Variants in BET1L observed in about 807,000 individuals in gnomAD.
BET1L encodes Bet1 golgi vesicular membrane trafficking protein like.
Under a neutral mutation model 12.6 loss-of-function variants are expected in BET1L, and 13 were observed. That is an observed-to-expected ratio of 1.03 (90% CI 0.67 to 1.64). The LOEUF (loss-of-function observed/expected upper bound fraction) is 1.64, where lower values mean the gene tolerates loss of function less well. Ranked by LOEUF, BET1L falls within the 40% of genes most tolerant of loss-of-function variation. BET1L has a pLI of 0.00. For synonymous variants in BET1L, 60 were observed against 56.9 expected (o/e 1.05, Z -0.25); for missense variants, 154 against 150.7 (o/e 1.02, Z -0.11).
At chr11:206,681 G>A (rs781388863) in intron 1 of BET1L, among the ~76,000 whole-genome samples, 1 of 152,214 alleles carries the variant, frequency 6.6e-6, no homozygotes, top group South Asian at 2.1e-4. Context: ...AGTGCTCGCA[G>A]AGGCCTGGCC....
rs1303480379 is a variant in BET1L at position 207,373 on chromosome 11, T to C, written c.-52A>G. 1.3e-6 allele frequency: 2 copies of C among 1,522,428 alleles called. No homozygotes were observed. The highest frequency in any genetic ancestry group is 1.8e-6 in the Non-Finnish European group (2 of 1,142,084). The allele number at this position is 1,522,428 out of a possible 1,614,324, so 94.3% of individuals were successfully genotyped here. ...GGACACCGACGCGGCCACAGCCGCC[T>C]CAGACGTGGCGCAGTCGCGGGGAAA... On this transcript the variant is annotated 5_prime_UTR_variant, in exon 1 of 4. Coordinates refer to ENST00000382762, the MANE Select transcript of BET1L (RefSeq NM_001098787.2).
chr11:205,129 G>T lies in BET1L; in HGVS notation c.*173C>A. 1 of 854,346 alleles carries T rather than the reference G, an allele frequency of 1.2e-6. No homozygotes were observed. Among genetic ancestry groups the T allele is most frequent in the Non-Finnish European group, 1.7e-6 (1 of 572,246 alleles). 52.9% of individuals were successfully genotyped at this position (854,346 alleles called of 1,614,324 possible). A position where few individuals can be genotyped will look rare whatever the true frequency, so the allele number is the denominator to read the frequency against. ...TTTCACACATGGGACCAGCCAACAT[G>T]AGCTCATCAGGTCACAGGCAGCCGC... On this transcript the variant is annotated 3_prime_UTR_variant, in exon 4 of 4. Transcript: ENST00000382762.
chr11:206,040 T>C lies in BET1L; in HGVS notation c.23A>G (p.Gln8Arg). Reference sequence around the variant, plus strand: ...AATCTCTTCCACAGCGCCCGGGCTCTGAGCTGAGAAAAGAGAGGGGCTGAA... The same window carrying C: ...AATCTCTTCCACAGCGCCCGGGCTCCGAGCTGAGAAAAGAGAGGGGCTGAA... MADWARA[Q>R]SPGAVEEILD... Residue 8 changes from glutamine (Q) to arginine (R), a missense_variant, in exon 2 of 4, where the codon CAG becomes CGG. Gln to Arg is a conservative substitution (Grantham distance 43). Coordinates refer to ENST00000382762, the MANE Select transcript of BET1L (RefSeq NM_001098787.2). 6.2e-7 allele frequency: 1 copy of C among 1,613,680 alleles called. No individual in the cohort carries two copies. Among genetic ancestry groups the C allele is most frequent in the Non-Finnish European group, 8.5e-7 (1 of 1,179,980 alleles).
chr11:207,119 C>T, intron 1 of BET1L, 184 bp downstream of exon 1: 3 of 773,486 alleles, frequency 3.9e-6, no homozygotes, highest in Non-Finnish European at 5.7e-6. Flanking sequence ...TCGGTCCTAA[C>T]GGCAGTGCCG....
intron 1 of BET1L, 52 bp downstream of exon 1, chr11:207,250 GC>G (rs1297973643): frequency 2.0e-6 from 3 of 1,508,114 alleles, no homozygotes; most frequent in Non-Finnish European, 2.6e-6. Flanking sequence ...ACAGGCAGCG[GC>G]GTCGGTTTCG....
At chr11:206,109 C>G (rs1159363043) in intron 1 of BET1L, 66 bp from the exon 2 acceptor site, 1 of 1,407,762 alleles carries the variant, frequency 7.1e-7, no homozygotes, top group Admixed American at 1.7e-5. Context: ...CCCTCTCACT[C>G]CAACCACATC....
chr11:206,725 T>C (rs1855170685), intron 1 of BET1L, among the ~76,000 whole-genome samples: 1 of 152,186 alleles, frequency 6.6e-6, no homozygotes, highest in Non-Finnish European at 1.5e-5. Context: ...AAGGAAGTTC[T>C]GTCACATCAG....
chr11:206,977 G>T, intron 1 of BET1L: 2 of 415,864 alleles, frequency 4.8e-6, no homozygotes, highest in Non-Finnish European at 4.3e-6. Flanking sequence ...GCCTGGCCTC[G>T]GGACCTGTCG....
intron 3 of BET1L, 33 bp downstream of exon 3, chr11:205,577 AG>A (rs765661597): frequency 8.1e-6 from 13 of 1,613,976 alleles, no homozygotes; most frequent in Non-Finnish European, 1.1e-5. Context: ...GTGCTAGGGC[AG>A]GGCACTGATA....
chr11:206,431 A>T (rs982405707), intron 1 of BET1L, among the ~76,000 whole-genome samples: 1 of 152,248 alleles, frequency 6.6e-6, no homozygotes, highest in Non-Finnish European at 1.5e-5. Context: ...TGCTAAGAGC[A>T]TAGAAAAGAC....
chr11:205,500 G>A, intron 3 of BET1L, 31 bp from the exon 4 acceptor site: 1 of 1,614,188 alleles, frequency 6.2e-7, no homozygotes, highest in African/African-American at 1.3e-5. Flanking sequence ...AGATCACACA[G>A]AAGTGGTGAT....
chr11:205,937 CAG>C lies in BET1L; in HGVS notation c.111+13_111+14del. On this transcript the variant is annotated intron_variant, in intron 2 of 3. Coordinates refer to ENST00000382762, the MANE Select transcript of BET1L (RefSeq NM_001098787.2). ...AAGGCACCAGGTGGAGGTAAGAGGACAGACCACCACTGACCGATTTGAGCCTG... is the reference window on the plus strand; with the variant it reads ...AAGGCACCAGGTGGAGGTAAGAGGACACCACCACTGACCGATTTGAGCCTG... 5 of 1,613,010 alleles carry C rather than the reference CAG, an allele frequency of 3.1e-6. No homozygotes were observed. The highest frequency in any genetic ancestry group is 4.2e-6 in the Non-Finnish European group (5 of 1,179,154).
rs553777500 is a variant in BET1L at position 205,246 on chromosome 11, C to G, written c.*56G>C. ...GTAAGTCCTCTGGAGCCCAAAACAC[C>G]AGGCAGGGAAGACCCTGGCTGCCCT... On this transcript the variant is annotated 3_prime_UTR_variant, in exon 4 of 4. Coordinates refer to ENST00000382762, the MANE Select transcript of BET1L (RefSeq NM_001098787.2). 29 of 1,560,896 alleles carry G rather than the reference C, an allele frequency of 1.9e-5. No homozygotes were observed. Among genetic ancestry groups the G allele is most frequent in the Admixed American group, 3.8e-5 (2 of 52,770 alleles).
Position 205,190 on chromosome 11 carries a change from A to C in BET1L, c.*112T>G. On this transcript the variant is annotated 3_prime_UTR_variant, in exon 4 of 4. Coordinates refer to ENST00000382762, the MANE Select transcript of BET1L (RefSeq NM_001098787.2). ...CACACAGGAAGAAGATTCCTGACCC[A>C]CAATTATCATTGCAAAGGAGTATTT... 3.7e-6 allele frequency: 5 copies of C among 1,354,236 alleles called. No individual in the cohort carries two copies. Among genetic ancestry groups the C allele is most frequent in the Non-Finnish European group, 4.9e-6 (5 of 1,011,368 alleles). 83.9% of individuals were successfully genotyped at this position (1,354,236 alleles called of 1,614,324 possible).
In BET1L at chr11:205,702, G is replaced by C. The variant is rs750060193; in HGVS notation, c.112-35C>G. 12 of 1,593,690 alleles carry C rather than the reference G, an allele frequency of 7.5e-6. No homozygotes were observed. In the Admixed American group the frequency reaches 1.8e-4, roughly 24 times the overall value. ...AGACAGAGAGGGCAGGGTTGGGCCA[G>C]AGCAGACACATAATACAGCACTCAC... is the stretch of plus-strand genomic sequence containing the variant. On this transcript the variant is annotated intron_variant, in intron 2 of 3. Coordinates refer to ENST00000382762, the MANE Select transcript of BET1L (RefSeq NM_001098787.2).
Position 205,622 on chromosome 11 carries a change from G to A in BET1L, c.157C>T (p.Leu53=). ...DRDAEDQNRY[L]DGMDSDFTSM... ...CCGTGGGCCCTTACCATGCCATCCA[G>A]GTACCGGTTCTGATCCTCTGCATCC... Residue 53 remains leucine, a synonymous_variant, in exon 3 of 4, where the codon CTG becomes TTG. Transcript: ENST00000382762. 1 of 1,613,762 alleles carries A rather than the reference G, an allele frequency of 6.2e-7. No individual in the cohort carries two copies. Among genetic ancestry groups the A allele is most frequent in the Non-Finnish European group, 8.5e-7 (1 of 1,179,938 alleles).
chr11:206,621 G>C (rs2133740024), intron 1 of BET1L, among the ~76,000 whole-genome samples: 1 of 152,258 alleles, frequency 6.6e-6, no homozygotes, highest in South Asian at 2.1e-4. Context: ...ACCAGGAGCG[G>C]GATCCTTGGT....
Position 207,327 on chromosome 11 carries a change from C to A in BET1L, c.-6G>T, listed in dbSNP as rs956021486. The A allele has an allele frequency of 1.4e-5, 21 of 1,451,194 alleles. No individual in the cohort carries two copies. Among genetic ancestry groups the A allele is most frequent in the African/African-American group, 3.1e-5 (2 of 63,556 alleles). 89.9% of individuals were successfully genotyped at this position (1,451,194 alleles called of 1,614,324 possible). Reference sequence around the variant, plus strand: ...CCCCGAGCCCAGTCCGCCATCGTGCCCTGCCCCGGCTCCTCGACGCGGACA... The same window carrying A: ...CCCCGAGCCCAGTCCGCCATCGTGCACTGCCCCGGCTCCTCGACGCGGACA... On this transcript the variant is annotated 5_prime_UTR_variant, in exon 1 of 4. Transcript: ENST00000382762.
chr11:205,953 G>A lies in BET1L; in HGVS notation c.110C>T (p.Ser37Leu), dbSNP rs774740235. The A allele has an allele frequency of 1.1e-5, 17 of 1,613,742 alleles. No homozygotes were observed. In the East Asian group the frequency reaches 1.8e-4, roughly 17 times the overall value. The change falls in exon 2 of 4, where the codon TCG becomes TTG. Residue 37 changes from serine to leucine, a missense_variant and splice_region_variant. Transcript: ENST00000382762. ...GTAAGAGGACAGACCACCACTGACC[G>A]ATTTGAGCCTGGTGACTTTGGAGGC... is the stretch of plus-strand genomic sequence containing the variant. ...SLASKVTRLK[S>L]LALDIDRDAE... is the part of the protein sequence containing the mutation.
Sources: allele counts gnomAD v4.1 joint callset (sites outside exome capture counted in the v4.1 genomes callset), GRCh38; gene constraint gnomAD v4.1.1; transcripts MANE v1.5; gene names NCBI Gene and HGNC (gene_info 2026-07-23, HGNC 2026-07-21).